The following IFNLR1 variants were observed in gnomAD, a reference collection of about 807,000 sequenced individuals.
IFNLR1 encodes CRF2-12.
In IFNLR1, 28 loss-of-function variants were observed where a neutral mutation model predicts 52.5. The ratio of observed to expected loss-of-function variants is 0.53; its 90% CI spans 0.40 to 0.73. The LOEUF (loss-of-function observed/expected upper bound fraction) is 0.73, where lower values mean the gene tolerates loss of function less well. IFNLR1 is among the 30% of genes least tolerant of loss of function. The probability of loss-of-function intolerance (pLI) is 0.00; values close to 1 mark genes in which losing one functional copy is unlikely to be tolerated. For synonymous variants in IFNLR1, 276 were observed against 274.9 expected (o/e 1.00, Z -0.04); for missense variants, 623 against 659.1 (o/e 0.95, Z 0.60).
In IFNLR1 at chr1:24,161,574, C is replaced by T; in HGVS notation, c.478G>A (p.Val160Met). Reference sequence around the variant, plus strand: ...CCGGCCCCCTCCTTCCAGAATGCCACCTCATACTTCAGATCCAGTGGGGGC... The same window carrying T: ...CCGGCCCCCTCCTTCCAGAATGCCATCTCATACTTCAGATCCAGTGGGGGC... ...CMPPLDLKYE[V>M]AFWKEGAGNK... The change falls in exon 4 of 7, where the codon GTG becomes ATG. Residue 160 changes from valine to methionine, a missense_variant. Coordinates refer to ENST00000327535, the MANE Select transcript of IFNLR1 (RefSeq NM_170743.4). The T allele has an allele frequency of 6.4e-7, 1 of 1,555,994 alleles. No individual in the cohort carries two copies. Among genetic ancestry groups the T allele is most frequent in the East Asian group, 2.4e-5 (1 of 42,128 alleles).
At chr1:24,166,876 C>T (rs1243045489) in intron 3 of IFNLR1, among the ~76,000 whole-genome samples, 3 of 152,142 alleles carry the variant, frequency 2.0e-5, no homozygotes, top group Non-Finnish European at 4.4e-5. Flanking sequence ...AGTGCCTGGC[C>T]TGTGATGGTT....
At chr1:24,176,474 A>G (rs1197002410) in intron 2 of IFNLR1, among the ~76,000 whole-genome samples, 2 of 152,262 alleles carry the variant, frequency 1.3e-5, no homozygotes, top group Non-Finnish European at 2.9e-5. Flanking sequence ...GGAACAGTTT[A>G]TTCTATATAC....
chr1:24,182,490 T>A (rs767939804), intron 1 of IFNLR1, among the ~76,000 whole-genome samples: 2 of 152,254 alleles, frequency 1.3e-5, no homozygotes, highest in South Asian at 4.1e-4. Context: ...TGAAAATTCA[T>A]TTTAACTTGA....
At chr1:24,174,474 G>T (rs1644612272) in intron 2 of IFNLR1, among the ~76,000 whole-genome samples, 1 of 152,082 alleles carries the variant, frequency 6.6e-6, no homozygotes, top group Admixed American at 6.5e-5. Context: ...AAAGACTATT[G>T]GTAGGAATAT....
At chr1:24,166,448 G>A (rs1158448445) in intron 3 of IFNLR1, among the ~76,000 whole-genome samples, 2 of 151,616 alleles carry the variant, frequency 1.3e-5, no homozygotes, top group African/African-American at 4.8e-5. Context: ...CTTCGCTCCA[G>A]CCCTTCCTTC....
chr1:24,165,256 A>G (rs1644506729), intron 3 of IFNLR1, among the ~76,000 whole-genome samples: 1 of 152,194 alleles, frequency 6.6e-6, no homozygotes, highest in African/African-American at 2.4e-5. Flanking sequence ...ATTCAAATTC[A>G]TCATTTACAA....
In IFNLR1 at chr1:24,161,680, C is replaced by T. The variant is rs1413172968; in HGVS notation, c.372G>A (p.Glu124=). ...SEYLDYLFEV[E]PAPPVLVLTQ... is the part of the protein sequence containing the mutation. ...TGAGCACCAGGACAGGTGGGGCCGG[C>T]TCCACTGCAGAAACAGAGCAGGACC... The change falls in exon 4 of 7, where the codon GAG becomes GAA. Residue 124 remains glutamate (E), a synonymous_variant. Coordinates refer to ENST00000327535, the MANE Select transcript of IFNLR1 (RefSeq NM_170743.4). 3 of 1,499,600 alleles carry T rather than the reference C, an allele frequency of 2.0e-6. No individual in the cohort carries two copies. Among genetic ancestry groups the T allele is most frequent in the Non-Finnish European group, 1.8e-6 (2 of 1,118,084 alleles). The allele number at this position is 1,499,600 out of a possible 1,614,324, so 92.9% of individuals were successfully genotyped here.
Position 24,157,551 on chromosome 1 carries a change from G to C in IFNLR1, c.1142C>G (p.Ser381Cys), listed in dbSNP as rs754256886. 2 of 1,612,260 alleles carry C rather than the reference G, an allele frequency of 1.2e-6. No individual in the cohort carries two copies. Among genetic ancestry groups the C allele is most frequent in the Admixed American group, 3.3e-5 (2 of 59,802 alleles). ...RAPLVPSEGS[S>C]AWDSSDRSWA... is the part of the protein sequence containing the mutation. Reference sequence around the variant, plus strand: ...GCTTCTGTCTGAAGAATCCCAAGCAGAGGAGCCTTCGCTTGGGACCAGAGG... The same window carrying C: ...GCTTCTGTCTGAAGAATCCCAAGCACAGGAGCCTTCGCTTGGGACCAGAGG... The change falls in exon 7 of 7, where the codon TCT (serine) becomes TGT (cysteine). Residue 381 changes from serine (S) to cysteine (C), a missense_variant. Coordinates refer to ENST00000327535, the MANE Select transcript of IFNLR1 (RefSeq NM_170743.4). The surrounding 1 kb of genome is among the most constrained non-coding windows in gnomAD (Gnocchi z 5.1).
chr1:24,179,775 C>T (rs570292626), intron 2 of IFNLR1, among the ~76,000 whole-genome samples: 3 of 152,164 alleles, frequency 2.0e-5, no homozygotes, highest in Non-Finnish European at 2.9e-5. Context: ...TGGCACAGGA[C>T]GGGTCCTGAG....
intron 1 of IFNLR1, among the ~76,000 whole-genome samples, chr1:24,185,313 T>A (rs1207962083): frequency 6.6e-6 from 1 of 152,210 alleles, no homozygotes; most frequent in Non-Finnish European, 1.5e-5. Flanking sequence ...AGCTTTATGA[T>A]TCCAACTATT....
At chr1:24,159,858 C>T (rs925469586) in intron 4 of IFNLR1, among the ~76,000 whole-genome samples, 8 of 151,598 alleles carry the variant, frequency 5.3e-5, no homozygotes, top group Admixed American at 3.3e-4. Context: ...ATCCTCCTAC[C>T]TCAGCTCTCC....
At chr1:24,175,803 G>A (rs1260635667) in intron 2 of IFNLR1, among the ~76,000 whole-genome samples, 1 of 151,962 alleles carries the variant, frequency 6.6e-6, no homozygotes, top group South Asian at 2.1e-4. Context: ...GCGTGGTGGC[G>A]CATGCCTGTA....
chr1:24,159,726 G>GTTTTTTTTTTTTTTTTTTTTTTGTTT, intron 4 of IFNLR1, 93 bp from the exon 5 acceptor site: 2 of 761,908 alleles, frequency 2.6e-6, no homozygotes, highest in Non-Finnish European at 3.9e-6. Context: ...ATGGTAGGGT[G>GTTTTTTTTTTTTTTTTTTTTTTGTTT]TTTTTTTTTT....
At chr1:24,161,975 C>T (rs1003341297) in intron 3 of IFNLR1, among the ~76,000 whole-genome samples, 18 of 152,230 alleles carry the variant, frequency 1.2e-4, no homozygotes, top group Non-Finnish European at 2.1e-4. Context: ...CCTGGGTGCC[C>T]TCCACATGTC....
intron 6 of IFNLR1, among the ~76,000 whole-genome samples, chr1:24,158,623 G>A (rs1018213525): frequency 6.6e-6 from 1 of 152,176 alleles, no homozygotes; most frequent in African/African-American, 2.4e-5. Flanking sequence ...CTAAGGGAGA[G>A]ACCCAGCAGA....
At chr1:24,161,726 C>A (rs771904503) in intron 3 of IFNLR1, 42 bp from the exon 4 acceptor site, 4 of 1,448,866 alleles carry the variant, frequency 2.8e-6, no homozygotes, top group Non-Finnish European at 3.6e-6. Context: ...CCCGAGGGGC[C>A]GCACTGCCTC....
chr1:24,182,199 CAAAAA>C (rs60217046), intron 1 of IFNLR1, among the ~76,000 whole-genome samples: 6 of 132,944 alleles, frequency 4.5e-5, no homozygotes, highest in South Asian at 2.4e-4. Flanking sequence ...GACTCCATTC[CAAAAA>C]AAAAAAAAAA....
chr1:24,179,918 G>A (rs1644671470), intron 2 of IFNLR1, among the ~76,000 whole-genome samples: 1 of 152,198 alleles, frequency 6.6e-6, no homozygotes, highest in South Asian at 2.1e-4. Context: ...GTTCGAAGAT[G>A]GTGGATCTGC....
At chr1:24,175,133 G>A (rs1030993582) in intron 2 of IFNLR1, among the ~76,000 whole-genome samples, 1 of 152,210 alleles carries the variant, frequency 6.6e-6, no homozygotes, top group Non-Finnish European at 1.5e-5. Context: ...CTGTGAACAC[G>A]CAATATCCTT....
Sources: gnomAD v4.1 joint callset for allele counts (sites outside exome capture counted in the v4.1 genomes callset) on GRCh38, gnomAD v4.1.1 for gene constraint, Gnocchi (gnomAD v3.1) non-coding constraint, MANE v1.5 for transcripts, NCBI Gene and HGNC (gene_info 2026-07-23, HGNC 2026-07-21) for gene names.